The following CSMD1 variants were observed in gnomAD, a reference collection of about 807,000 sequenced individuals.
The protein encoded by CSMD1 is CUB and Sushi multiple domains 1.
In CSMD1, 213 loss-of-function variants were observed where a neutral mutation model predicts 417.5. The ratio of observed to expected loss-of-function variants is 0.51; its 90% CI spans 0.46 to 0.57. The LOEUF (loss-of-function observed/expected upper bound fraction) is 0.57. Ranked by LOEUF, CSMD1 falls within the 20% of genes least tolerant of loss-of-function variation. The pLI is 0.00. For missense variants in CSMD1, 6,923 were observed against 4,529.7 expected, an observed-to-expected ratio of 1.53 and a Z score of -15.17; for synonymous variants, 2,862 against 1,736.8, an observed-to-expected ratio of 1.65 and a Z score of -16.11.
intron 5 of CSMD1, among the ~76,000 whole-genome samples, chr8:3,754,433 C>CTTATTTATTTATTTAT (rs34887868): frequency 1.3e-4 from 19 of 145,572 alleles, no homozygotes; most frequent in East Asian, 1.1e-3. Context: ...TTAGTAATTC[C>CTTATTTATTTATTTAT]TTATTTATTT....
chr8:3,183,672 C>T (rs376607446), intron 36 of CSMD1, among the ~76,000 whole-genome samples: 3 of 150,782 alleles, frequency 2.0e-5, no homozygotes, highest in East Asian at 2.0e-4. Flanking sequence ...CTAATCTATC[C>T]ATCCCTGAAA....
intron 3 of CSMD1, among the ~76,000 whole-genome samples, chr8:4,318,563 A>G (rs1285555529): frequency 6.6e-6 from 1 of 152,164 alleles, no homozygotes; most frequent in Non-Finnish European, 1.5e-5. Context: ...GAGCTTTTAC[A>G]CTAAAAAGAA....
intron 1 of CSMD1, among the ~76,000 whole-genome samples, chr8:4,991,696 G>T (rs1440340039): frequency 2.0e-5 from 3 of 152,144 alleles, no homozygotes; most frequent in African/African-American, 4.8e-5. Flanking sequence ...ACGCCCCCGG[G>T]GGGAGGCCCG....
chr8:3,902,442 C>G (rs991354826), intron 5 of CSMD1, among the ~76,000 whole-genome samples: 12 of 151,536 alleles, frequency 7.9e-5, no homozygotes, highest in Non-Finnish European at 1.2e-4. Context: ...GGACCAATTT[C>G]ATGAAAGACA....
chr8:3,702,648 T>C (rs1263218488), intron 7 of CSMD1, among the ~76,000 whole-genome samples: 3 of 152,176 alleles, frequency 2.0e-5, no homozygotes, highest in Non-Finnish European at 4.4e-5. Context: ...TTTTCCAACA[T>C]GGTGAAACCC....
chr8:3,373,209 T>C (rs920168859), intron 18 of CSMD1: 1 of 152,180 alleles, frequency 6.6e-6, no homozygotes, highest in Non-Finnish European at 1.5e-5. Context: ...TGTCTTCATA[T>C]CATCAGGAAA....
intron 3 of CSMD1, among the ~76,000 whole-genome samples, chr8:4,120,162 G>C (rs767117589): frequency 6.6e-6 from 1 of 151,958 alleles, no homozygotes; most frequent in African/African-American, 2.4e-5. Flanking sequence ...AACATCTCAC[G>C]TACCCCATAA....
At position 3,230,143 on chromosome 8, in the gene CSMD1, T is replaced by C. The variant is rs193153072; in HGVS notation, c.4242A>G (p.Thr1414=). ...GDSREAGDTV[T]FQCDPGYQLQ... ...GCTGATAGCCAGGGTCACACTGGAA[T>C]GTGACGGTGTCTCCAGCCTCTCTGC... The change falls in exon 27 of 70, where the codon ACA becomes ACG. Residue 1414 remains threonine (T), a synonymous_variant. Coordinates refer to ENST00000635120, the MANE Select transcript of CSMD1 (RefSeq NM_033225.6). 205 of 1,613,782 alleles carry C rather than the reference T, an allele frequency of 1.3e-4. 1 individual carries two copies. In the East Asian group the frequency reaches 4.4e-3, roughly 35 times the overall value.
chr8:3,182,586 G>C (rs1821410292), intron 36 of CSMD1, among the ~76,000 whole-genome samples: 1 of 14,384 alleles, frequency 7.0e-5, no homozygotes, highest in African/African-American at 3.5e-4. Context: ...AGCTGTGTGT[G>C]TGTGTGTGTG....
At chr8:4,108,027 G>C (rs985810236) in intron 3 of CSMD1, among the ~76,000 whole-genome samples, 1 of 151,168 alleles carries the variant, frequency 6.6e-6, no homozygotes, top group Non-Finnish European at 1.5e-5. Flanking sequence ...CTGCAGGGGA[G>C]AGAGAGAGAG....
intron 2 of CSMD1, among the ~76,000 whole-genome samples, chr8:4,457,292 G>C (rs552177559): frequency 2.6e-5 from 4 of 152,216 alleles, no homozygotes; most frequent in Middle Eastern, 6.8e-3. Context: ...CATTTGAATT[G>C]CATCTTTCTA....
intron 25 of CSMD1, among the ~76,000 whole-genome samples, chr8:3,286,607 T>C (rs973924229): frequency 6.6e-5 from 10 of 152,018 alleles, no homozygotes; most frequent in Non-Finnish European, 1.0e-4. Context: ...ATATGTTTTT[T>C]GGCTGCATAA....
chr8:4,343,232 A>C (rs1317938143), intron 3 of CSMD1, among the ~76,000 whole-genome samples: 1 of 152,134 alleles, frequency 6.6e-6, no homozygotes, highest in Admixed American at 6.6e-5. Context: ...AATCAAATAC[A>C]AAGACACAGA....
At chr8:4,144,756 A>G (rs1248901694) in intron 3 of CSMD1, among the ~76,000 whole-genome samples, 2 of 151,100 alleles carry the variant, frequency 1.3e-5, no homozygotes, top group East Asian at 1.9e-4. Context: ...CTTCTCAGAC[A>G]TAGGAGAACA....
chr8:4,649,047 G>C (rs571330633), intron 1 of CSMD1, among the ~76,000 whole-genome samples: 2 of 152,272 alleles, frequency 1.3e-5, no homozygotes, highest in South Asian at 2.1e-4. Context: ...AACTCTTCTT[G>C]TAGGCTTCAG....
In CSMD1 at chr8:3,156,971, G is replaced by A. The variant is rs970434965; in HGVS notation, c.5914+926C>T. On this transcript the variant is annotated intron_variant, in intron 39 of 69. Coordinates refer to ENST00000635120, the MANE Select transcript of CSMD1 (RefSeq NM_033225.6). ...AGGGAGAAATTTAAGGTAATACCCAGATTTGTTGTTTAGACAAAAAAAAAA... is the reference window on the plus strand; with the variant it reads ...AGGGAGAAATTTAAGGTAATACCCAAATTTGTTGTTTAGACAAAAAAAAAA... 5.3e-5 allele frequency among the ~76,000 whole-genome samples: 6 copies of A among 113,024 alleles called. No homozygotes were observed. The Admixed American group carries it at 5.4e-4, about 10-fold the overall frequency. The allele number at this position is 113,024 out of a possible 152,430, so 74.1% of individuals were successfully genotyped here.
chr8:3,897,908 G>C (rs1412090664), intron 5 of CSMD1, among the ~76,000 whole-genome samples: 1 of 152,110 alleles, frequency 6.6e-6, no homozygotes, highest in Non-Finnish European at 1.5e-5. Flanking sequence ...GTGGCCATGT[G>C]GATGATACAG....
chr8:4,071,145 G>C (rs749265000), intron 3 of CSMD1, among the ~76,000 whole-genome samples: 1 of 151,782 alleles, frequency 6.6e-6, no homozygotes, highest in Non-Finnish European at 1.5e-5. Flanking sequence ...CAAATTTGGA[G>C]AATGTCATCC....
chr8:4,614,645 A>G (rs796829717), intron 2 of CSMD1, among the ~76,000 whole-genome samples: 16 of 152,212 alleles, frequency 1.1e-4, no homozygotes, highest in African/African-American at 3.6e-4. Context: ...ACACACACAT[A>G]CAAACGTGCG....
Sources: gnomAD v4.1 joint callset for allele counts (sites outside exome capture counted in the v4.1 genomes callset) on GRCh38, gnomAD v4.1.1 for gene constraint, MANE v1.5 for transcripts, NCBI Gene and HGNC (gene_info 2026-07-23, HGNC 2026-07-21) for gene names.